Variants in LIN28B observed in about 807,000 individuals in gnomAD.
LIN28B encodes the protein protein lin-28 homolog B.
Under a neutral mutation model 21.9 loss-of-function variants are expected in LIN28B, and 5 were observed. The observed-to-expected ratio is 0.23, with a 90% confidence interval of 0.12 to 0.48. The LOEUF is 0.48. LIN28B is among the 20% of genes least tolerant of loss of function. The pLI is 0.98. For missense variants in LIN28B, 245 were observed against 310.5 expected (o/e 0.79, Z 1.58); for synonymous variants, 109 against 111.3 (o/e 0.98, Z 0.13).
intron 3 of LIN28B, among the ~76,000 whole-genome samples, chr6:105,069,884 A>T (rs1054528396): frequency 2.0e-5 from 3 of 152,128 alleles, no homozygotes; most frequent in African/African-American, 7.2e-5. Flanking sequence ...TCACAACCAG[A>T]AATTTCAAGG....
intron 2 of LIN28B, among the ~76,000 whole-genome samples, chr6:104,959,631 G>T (rs1224286951): frequency 1.3e-5 from 2 of 152,138 alleles, no homozygotes; most frequent in African/African-American, 2.4e-5. Flanking sequence ...TTGAAACAGG[G>T]TTTAAGTACA....
intron 1 of LIN28B, 134 bp downstream of exon 1, chr6:104,957,394 C>T (rs1447504489): frequency 6.6e-6 from 4 of 607,914 alleles, no homozygotes; most frequent in African/African-American, 1.9e-5. Flanking sequence ...TCCCAACCCC[C>T]CATCACGCAG....
intron 2 of LIN28B, among the ~76,000 whole-genome samples, chr6:105,013,778 C>G (rs1026958311): frequency 6.6e-6 from 1 of 151,738 alleles, no homozygotes; most frequent in African/African-American, 2.4e-5. Flanking sequence ...AATTATACAA[C>G]TTAATCTGAT....
chr6:104,949,861 G>C (rs962306034), intron 2 of LIN28B, among the ~76,000 whole-genome samples: 7 of 151,974 alleles, frequency 4.6e-5, no homozygotes, highest in African/African-American at 1.7e-4. Flanking sequence ...AGAACTGTTT[G>C]CTTTTTAAAA....
At chr6:105,064,544 G>A (rs1015166219) in intron 3 of LIN28B, among the ~76,000 whole-genome samples, 7 of 152,052 alleles carry the variant, frequency 4.6e-5, no homozygotes, top group East Asian at 1.9e-4. Flanking sequence ...GCTTTCCCCC[G>A]CACATATATT....
At chr6:105,025,064 C>T (rs1771261426) in intron 2 of LIN28B, among the ~76,000 whole-genome samples, 1 of 151,676 alleles carries the variant, frequency 6.6e-6, no homozygotes, top group South Asian at 2.1e-4. Context: ...ACCACAAAAC[C>T]TTTTTCTCGT....
At position 104,967,596 on chromosome 6, in the gene LIN28B, A is replaced by G. The variant is rs1329286887; in HGVS notation, c.198+9310A>G. Among the ~76,000 whole-genome samples the G allele has an allele frequency of 3.8e-3, 560 of 149,160 alleles. 4 individuals carry two copies. The highest frequency in any genetic ancestry group is 0.021 in the East Asian group (107 of 5,084). The stretch of plus-strand genomic sequence containing the variant: ...CCTCTCAAAAAAAAAAAAAAAAAAA[A>G]AAAGAAAGAAAGAAATTTATTGAAT... On this transcript the variant is annotated intron_variant, in intron 2 of 3. Transcript: ENST00000345080.
At chr6:104,967,792 C>T (rs968381119) in intron 2 of LIN28B, among the ~76,000 whole-genome samples, 3 of 152,084 alleles carry the variant, frequency 2.0e-5, no homozygotes, top group Admixed American at 1.3e-4. Context: ...AATTATCCAA[C>T]CTGAGCCTTC....
At chr6:105,054,664 A>G (rs1771985614) in intron 3 of LIN28B, among the ~76,000 whole-genome samples, 1 of 152,202 alleles carries the variant, frequency 6.6e-6, no homozygotes, top group Non-Finnish European at 1.5e-5. Context: ...TGAAACCTGG[A>G]AAGCAATCAA....
At chr6:105,026,593 C>G (rs1337131246) in intron 3 of LIN28B, 111 bp downstream of exon 3, 1 of 662,794 alleles carries the variant, frequency 1.5e-6, no homozygotes, top group Non-Finnish European at 2.6e-6. Context: ...AAACCACCAT[C>G]ATGTAGAATA....
intron 3 of LIN28B, among the ~76,000 whole-genome samples, chr6:105,054,781 C>A (rs364758): frequency 0.78 from 117,805 of 151,942 alleles, 46,576 homozygotes; most frequent in Non-Finnish European, 0.86. Context: ...CATGGGGGAA[C>A]CACACACCCG....
chr6:104,994,886 T>C lies in LIN28B; in HGVS notation c.199-31412T>C, dbSNP rs1770567466. Among the ~76,000 whole-genome samples the C allele has an allele frequency of 2.6e-5, 4 of 152,276 alleles. No homozygotes were observed. The South Asian group carries it at 8.3e-4, about 32-fold the overall frequency. ...GAAGGATTTTAAGCAGACAAGTAAT[T>C]TGAACAGATTTTCACTATAAGTGGT... is the stretch of plus-strand genomic sequence containing the variant. On this transcript the variant is annotated intron_variant, in intron 2 of 3. Coordinates refer to ENST00000345080, the MANE Select transcript of LIN28B (RefSeq NM_001004317.4).
At chr6:105,070,676 A>G (rs1196385964) in intron 3 of LIN28B, among the ~76,000 whole-genome samples, 1 of 147,056 alleles carries the variant, frequency 6.8e-6, no homozygotes, top group Non-Finnish European at 1.5e-5. Flanking sequence ...GCTGCTAGAG[A>G]GTCTGAGGTA....
intron 2 of LIN28B, among the ~76,000 whole-genome samples, chr6:104,995,401 A>G (rs183143776): frequency 6.0e-4 from 91 of 152,314 alleles, no homozygotes; most frequent in Non-Finnish European, 1.5e-4. Flanking sequence ...CATGAGAATT[A>G]TAGTGAAGGA....
Position 104,975,159 on chromosome 6 carries a change from G to T in LIN28B, c.198+16873G>T, listed in dbSNP as rs180888911. On this transcript the variant is annotated intron_variant, in intron 2 of 3. Transcript: ENST00000345080. ...ATTTTTGAATATTATTTGTTTAAAG[G>T]ATAAATACAAACATAATAGCTAAGT... 2.4e-3 allele frequency among the ~76,000 whole-genome samples: 365 copies of T among 152,080 alleles called. 1 individual carries two copies. The highest frequency in any genetic ancestry group is 4.4e-3 in the Non-Finnish European group (298 of 67,970).
At chr6:105,069,472 C>G (rs1054580183) in intron 3 of LIN28B, among the ~76,000 whole-genome samples, 1 of 152,056 alleles carries the variant, frequency 6.6e-6, no homozygotes, top group African/African-American at 2.4e-5. Flanking sequence ...CGCCTCTAAT[C>G]CCAGCACTTT....
At chr6:105,075,458 C>T (rs1582935060) in intron 3 of LIN28B, among the ~76,000 whole-genome samples, 1 of 152,160 alleles carries the variant, frequency 6.6e-6, no homozygotes, top group African/African-American at 2.4e-5. Context: ...GAGTGATTGA[C>T]ACTGAATGAT....
chr6:104,950,848 G>A (rs558066548), intron 3 of LIN28B, among the ~76,000 whole-genome samples: 1 of 152,174 alleles, frequency 6.6e-6, no homozygotes, highest in East Asian at 1.9e-4. Context: ...AGTATTCATG[G>A]TTTGTTCATT....
chr6:104,958,957 CAT>C (rs758385975), intron 2 of LIN28B, among the ~76,000 whole-genome samples: 12 of 152,024 alleles, frequency 7.9e-5, no homozygotes, highest in Non-Finnish European at 1.6e-4. Context: ...CTCAAAAAAA[CAT>C]GTGGCCAGAG....
Sources: gnomAD v4.1 joint callset for allele counts (sites outside exome capture counted in the v4.1 genomes callset) on GRCh38, gnomAD v4.1.1 for gene constraint, MANE v1.5 for transcripts, NCBI Gene and HGNC (gene_info 2026-07-23, HGNC 2026-07-21) for gene names.